The following RERE variants were observed in gnomAD, a reference collection of about 807,000 sequenced individuals.
RERE encodes the protein arginine-glutamic acid dipeptide repeats.
Under a neutral mutation model 146.1 loss-of-function variants are expected in RERE, and 40 were observed. The observed-to-expected ratio is 0.27, with a 90% confidence interval of 0.21 to 0.36. The LOEUF is 0.36. RERE is among the 10% of genes least tolerant of loss of function. The pLI, the probability that RERE is intolerant of heterozygous loss-of-function variation, is 1.00. For synonymous variants in RERE, 1,003 were observed against 866.0 expected (o/e 1.16, Z -2.78); for missense variants, 1,933 against 2,138.7 (o/e 0.90, Z 1.90).
At chr1:8,709,062 G>A (rs1038700156) in intron 1 of RERE, among the ~76,000 whole-genome samples, 1 of 151,210 alleles carries the variant, frequency 6.6e-6, no homozygotes, top group Non-Finnish European at 1.5e-5. Context: ...ACAGGTGCCC[G>A]CCACCACACC....
intron 4 of RERE, among the ~76,000 whole-genome samples, chr1:8,610,405 A>G (rs1646778894): frequency 6.6e-6 from 1 of 151,994 alleles, no homozygotes; most frequent in South Asian, 2.1e-4. Flanking sequence ...CCTGGCCAAC[A>G]TAGTGAAACC....
chr1:8,501,099 C>A (rs1466569814), intron 8 of RERE, among the ~76,000 whole-genome samples: 1 of 144,880 alleles, frequency 6.9e-6, no homozygotes, highest in South Asian at 2.2e-4. Context: ...CTCCTCTGCC[C>A]GGCCGCCCCT....
intron 1 of RERE, among the ~76,000 whole-genome samples, chr1:8,692,547 C>G (rs548204935): frequency 6.6e-6 from 1 of 152,146 alleles, no homozygotes; most frequent in South Asian, 2.1e-4. Flanking sequence ...CAGGGTTTCA[C>G]TATAATGGCC....
chr1:8,733,012 G>C (rs926368224), intron 1 of RERE, among the ~76,000 whole-genome samples: 2 of 151,514 alleles, frequency 1.3e-5, no homozygotes, highest in Non-Finnish European at 1.5e-5. Context: ...TAGTAGAGAC[G>C]GGGTTTCACC....
At chr1:8,519,694 C>G (rs976072236) in intron 7 of RERE, 2 of 152,010 alleles carry the variant, frequency 1.3e-5, no homozygotes, top group Non-Finnish European at 2.9e-5. Flanking sequence ...TTATGAGTTC[C>G]CGAAGTACCA....
chr1:8,791,143 G>A (rs189869244), intron 1 of RERE, among the ~76,000 whole-genome samples: 6 of 152,244 alleles, frequency 3.9e-5, no homozygotes, highest in Admixed American at 3.9e-4. Flanking sequence ...CTAATGACAT[G>A]GAAAATCCCA....
At chr1:8,671,176 G>A (rs1162925412) in intron 1 of RERE, among the ~76,000 whole-genome samples, 1 of 152,144 alleles carries the variant, frequency 6.6e-6, no homozygotes, top group Non-Finnish European at 1.5e-5. Context: ...GGGCTGGATG[G>A]TATCAAAACA....
chr1:8,375,985 A>C (rs1642233062), intron 12 of RERE, among the ~76,000 whole-genome samples: 1 of 152,228 alleles, frequency 6.6e-6, no homozygotes, highest in Admixed American at 6.5e-5. Context: ...AGACTCCCAA[A>C]TAGATAAACC....
chr1:8,602,495 G>A (rs1394978599), intron 4 of RERE, among the ~76,000 whole-genome samples: 2 of 137,240 alleles, frequency 1.5e-5, no homozygotes, highest in African/African-American at 2.8e-5. Flanking sequence ...AAGCCCATAA[G>A]AATTCCAATA....
In RERE at chr1:8,356,131, G is replaced by A. The variant is rs200568184; in HGVS notation, c.4455C>T (p.His1485=). The A allele has an allele frequency of 2.6e-5, 39 of 1,509,470 alleles. No individual in the cohort carries two copies. The African/African-American group carries it at 3.1e-4, about 12-fold the overall frequency. The allele number at this position is 1,509,470 out of a possible 1,614,324, so 93.5% of individuals were successfully genotyped here. Residue 1485 remains histidine, a synonymous_variant, in exon 21 of 23, where the codon CAC becomes CAT. Transcript: ENST00000400908. The surrounding 1 kb of genome is among the most constrained non-coding windows in gnomAD (Gnocchi z 5.2). The stretch of plus-strand genomic sequence containing the variant: ...CTGGGTGGCGAAGCATCTCGTGCTC[G>A]TGTGGGGGCTGTCCAAGCAGAGGGT... ...LPNPLLGQPP[H]EHEMLRHPVF... is the part of the protein sequence containing the mutation.
chr1:8,806,524 A>G (rs1239162323), intron 1 of RERE, among the ~76,000 whole-genome samples: 2 of 150,340 alleles, frequency 1.3e-5, no homozygotes, highest in African/African-American at 5.0e-5. Flanking sequence ...ATCTCAAAAA[A>G]TAATAATAAT....
chr1:8,369,583 G>A (rs1267272484), intron 12 of RERE, among the ~76,000 whole-genome samples: 3 of 149,288 alleles, frequency 2.0e-5, no homozygotes, highest in African/African-American at 7.4e-5. Flanking sequence ...CTCCACAGCA[G>A]TGAAGTCACA....
intron 11 of RERE, among the ~76,000 whole-genome samples, chr1:8,439,972 G>C (rs1019111568): frequency 6.6e-6 from 1 of 152,210 alleles, no homozygotes; most frequent in Admixed American, 6.5e-5. Flanking sequence ...TACTGGGGAG[G>C]CTGAGGCAGG....
At chr1:8,524,115 A>T (rs1304598349) in intron 7 of RERE, among the ~76,000 whole-genome samples, 1 of 152,174 alleles carries the variant, frequency 6.6e-6, no homozygotes, top group Non-Finnish European at 1.5e-5. Flanking sequence ...TGGTGCTTTT[A>T]AACAGAGTAA....
intron 2 of RERE, among the ~76,000 whole-genome samples, chr1:8,648,971 TA>T (rs59300030): frequency 0.025 from 3,698 of 149,286 alleles, 84 homozygotes; most frequent in African/African-American, 0.057. Flanking sequence ...TATGCCAAAA[TA>T]AAAAAAAAAA....
chr1:8,658,985 A>G (rs539994299), intron 1 of RERE, among the ~76,000 whole-genome samples: 2 of 152,380 alleles, frequency 1.3e-5, no homozygotes, highest in Admixed American at 1.3e-4. Context: ...AAGCTACATT[A>G]GAAGAAGGAA....
intron 7 of RERE, chr1:8,525,999 C>T: frequency 7.7e-7 from 1 of 1,303,248 alleles, no homozygotes; most frequent in African/African-American, 1.5e-5. Context: ...TGCTGTGACC[C>T]TCCCTCATCC....
At chr1:8,461,773 AGAG>A (rs913526501) in intron 11 of RERE, among the ~76,000 whole-genome samples, 17 of 152,318 alleles carry the variant, frequency 1.1e-4, no homozygotes, top group African/African-American at 4.1e-4. Flanking sequence ...AGGAGGAGGA[AGAG>A]GAGAAGGAGG....
intron 4 of RERE, among the ~76,000 whole-genome samples, chr1:8,571,731 T>TAA (rs1289820205): frequency 2.0e-5 from 3 of 152,182 alleles, no homozygotes; most frequent in African/African-American, 7.2e-5. Context: ...AATACAAACA[T>TAA]GCCCTGATAG....
Sources: gnomAD v4.1 joint callset for allele counts (sites outside exome capture counted in the v4.1 genomes callset) on GRCh38, gnomAD v4.1.1 for gene constraint, Gnocchi (gnomAD v3.1) non-coding constraint, MANE v1.5 for transcripts, NCBI Gene and HGNC (gene_info 2026-07-23, HGNC 2026-07-21) for gene names.